The following SHANK2 variants were observed in gnomAD, a reference collection of about 807,000 sequenced individuals.
The protein encoded by SHANK2 is SH3 and multiple ankyrin repeat domains 2.
A neutral mutation model predicts 133.7 loss-of-function variants in SHANK2; 43 were observed. The ratio of observed to expected loss-of-function variants is 0.32; its 90% confidence interval spans 0.25 to 0.41. The LOEUF is 0.41. SHANK2 is among the 10% of genes least tolerant of loss of function. SHANK2 has a pLI of 1.00. For missense variants in SHANK2, 1,994 were observed against 2,235.8 expected (o/e 0.89, Z 2.18); for synonymous variants, 1,017 against 952.8 (o/e 1.07, Z -1.24).
At chr11:70,946,378 TCCCTCTCTACTAACCAACCC>T (rs1555085444) in intron 10 of SHANK2, among the ~76,000 whole-genome samples, 114 of 114,364 alleles carry the variant, frequency 1.0e-3, no homozygotes, top group African/African-American at 1.8e-3. Flanking sequence ...AGGATCAGCC[TCCCTCTCTACTAACCAACCC>T]TTCCCCAGGT....
At chr11:70,701,404 T>A (rs1945516820) in intron 14 of SHANK2, among the ~76,000 whole-genome samples, 1 of 152,034 alleles carries the variant, frequency 6.6e-6, no homozygotes, top group South Asian at 2.1e-4. Context: ...GAAAAAGGAA[T>A]CTTTTTTTTT....
chr11:70,932,882 T>C (rs1298543053), intron 10 of SHANK2, among the ~76,000 whole-genome samples: 22 of 152,246 alleles, frequency 1.4e-4, no homozygotes. Flanking sequence ...GGTGAGAATG[T>C]GGAGAGACTG....
intron 14 of SHANK2, among the ~76,000 whole-genome samples, chr11:70,704,065 A>G (rs1294084377): frequency 6.6e-6 from 1 of 152,216 alleles, no homozygotes; most frequent in Non-Finnish European, 1.5e-5. Context: ...GCCTCAGGCC[A>G]CAGAGGGAGG....
At chr11:70,771,605 C>G (rs2135052139) in intron 14 of SHANK2, among the ~76,000 whole-genome samples, 1 of 152,220 alleles carries the variant, frequency 6.6e-6, no homozygotes, top group East Asian at 1.9e-4. Flanking sequence ...AGTTACTTCA[C>G]AGGACAGAGG....
chr11:71,143,946 G>A lies in SHANK2; in HGVS notation c.207+3174C>T, dbSNP rs144340233. ...AACGAGCATCGACCATCCATTCACC[G>A]AGAAAGCACTGCTCTTAGGAACTCT... On this transcript the variant is annotated intron_variant, in intron 3 of 25. Transcript: ENST00000601538. Among the ~76,000 whole-genome samples the A allele has an allele frequency of 2.1e-4, 32 of 151,648 alleles. 1 individual carries two copies. Among genetic ancestry groups the A allele is most frequent in the African/African-American group, 6.1e-4 (25 of 41,302 alleles).
At chr11:70,550,032 C>A (rs548553278) in intron 17 of SHANK2, among the ~76,000 whole-genome samples, 1 of 152,220 alleles carries the variant, frequency 6.6e-6, no homozygotes, top group African/African-American at 2.4e-5. Context: ...CCAGAAAAAC[C>A]GCACCGGCTT....
intron 17 of SHANK2, among the ~76,000 whole-genome samples, chr11:70,511,095 A>C (rs1246042990): frequency 1.3e-5 from 2 of 151,902 alleles, no homozygotes; most frequent in East Asian, 1.9e-4. Flanking sequence ...TGTGAAGGTG[A>C]GCACTTTGAC....
intron 14 of SHANK2, among the ~76,000 whole-genome samples, chr11:70,711,961 G>A (rs1945794271): frequency 6.6e-6 from 1 of 152,204 alleles, no homozygotes; most frequent in South Asian, 2.1e-4. Context: ...TGCCGGCACA[G>A]ACGACCAGGC....
chr11:70,716,445 A>C (rs994425216), intron 14 of SHANK2, among the ~76,000 whole-genome samples: 3 of 152,134 alleles, frequency 2.0e-5, no homozygotes, highest in African/African-American at 7.2e-5. Context: ...AGACCTGTTG[A>C]GCTCAAGGAA....
At chr11:71,108,779 C>T (rs1234751977) in intron 6 of SHANK2, among the ~76,000 whole-genome samples, 2 of 152,244 alleles carry the variant, frequency 1.3e-5, no homozygotes, top group African/African-American at 4.8e-5. Flanking sequence ...TGCCTCCCAA[C>T]GTCACAGGCA....
chr11:71,139,808 G>A (rs1952518309), intron 3 of SHANK2, among the ~76,000 whole-genome samples: 1 of 152,226 alleles, frequency 6.6e-6, no homozygotes. Flanking sequence ...CTCCGGTTGT[G>A]CCTGAAGGGT....
intron 2 of SHANK2, among the ~76,000 whole-genome samples, chr11:71,151,382 C>T (rs1474610495): frequency 3.3e-5 from 5 of 152,190 alleles, no homozygotes; most frequent in African/African-American, 9.7e-5. Flanking sequence ...GAACCATGTC[C>T]TCAGCAGGCA....
At chr11:70,507,526 G>T (rs1285366700) in intron 17 of SHANK2, among the ~76,000 whole-genome samples, 1 of 152,196 alleles carries the variant, frequency 6.6e-6, no homozygotes, top group African/African-American at 2.4e-5. Context: ...TCTGTGAGGG[G>T]CCTGCAACAG....
chr11:70,773,680 C>T (rs541937256), intron 14 of SHANK2, among the ~76,000 whole-genome samples: 1 of 152,298 alleles, frequency 6.6e-6, no homozygotes, highest in East Asian at 1.9e-4. Flanking sequence ...GTGACCTTCT[C>T]TCCAAAGAAG....
intron 10 of SHANK2, among the ~76,000 whole-genome samples, chr11:70,900,118 G>A (rs1555076465): frequency 1.3e-5 from 2 of 152,168 alleles, no homozygotes; most frequent in African/African-American, 4.8e-5. Flanking sequence ...CACTTTGGGA[G>A]GCTGAGGCAG....
intron 9 of SHANK2, among the ~76,000 whole-genome samples, chr11:71,067,016 G>A (rs1324232101): frequency 6.6e-5 from 10 of 152,300 alleles, no homozygotes; most frequent in East Asian, 1.9e-4. Context: ...CTAACGGAGC[G>A]GCCTTTGACC....
chr11:70,828,892 C>A (rs1948686077), intron 11 of SHANK2, among the ~76,000 whole-genome samples: 1 of 152,248 alleles, frequency 6.6e-6, no homozygotes, highest in South Asian at 2.1e-4. Context: ...GATTCCCTCC[C>A]AAAAGCACAG....
At chr11:71,229,586 T>C (rs1401277520) in intron 1 of SHANK2, among the ~76,000 whole-genome samples, 1 of 151,820 alleles carries the variant, frequency 6.6e-6, no homozygotes, top group East Asian at 1.9e-4. Flanking sequence ...CTGGCCAACA[T>C]GGTGAAACCC....
chr11:70,901,856 A>AT (rs1950027414), intron 10 of SHANK2, among the ~76,000 whole-genome samples: 1 of 152,158 alleles, frequency 6.6e-6, no homozygotes, highest in African/African-American at 2.4e-5. Flanking sequence ...GGCAAGATGG[A>AT]TGTGTGGTGG....
Sources: allele counts gnomAD v4.1 joint callset (sites outside exome capture counted in the v4.1 genomes callset), GRCh38; gene constraint gnomAD v4.1.1; transcripts MANE v1.5; gene names NCBI Gene and HGNC (gene_info 2026-07-23, HGNC 2026-07-21).